The following LHPP variants were observed in gnomAD, a reference collection of about 807,000 sequenced individuals.
LHPP encodes phospholysine phosphohistidine inorganic pyrophosphate phosphatase, also known as hLHPP.
Under a neutral mutation model 30.3 loss-of-function variants are expected in LHPP, and 24 were observed. The observed-to-expected ratio is 0.79, with a 90% confidence interval of 0.57 to 1.11. LHPP has a LOEUF of 1.11. Ranked by LOEUF, LHPP falls within the 50% of genes most tolerant of loss-of-function variation. The pLI is 0.00. For missense variants in LHPP, 356 were observed against 367.2 expected (o/e 0.97, Z 0.25); for synonymous variants, 150 against 157.1 (o/e 0.95, Z 0.34).
intron 6 of LHPP, among the ~76,000 whole-genome samples, chr10:124,531,903 G>T (rs1045880860): frequency 6.6e-6 from 1 of 152,140 alleles, no homozygotes; most frequent in Non-Finnish European, 1.5e-5. Context: ...TATGATGGTC[G>T]CCAAATAACT....
At chr10:124,607,423 C>A (rs1332139309) in intron 6 of LHPP, among the ~76,000 whole-genome samples, 1 of 152,274 alleles carries the variant, frequency 6.6e-6, no homozygotes, top group African/African-American at 2.4e-5. Flanking sequence ...TGCGTGTGGG[C>A]AAACACCGGC....
chr10:124,569,048 G>C (rs1037584262), intron 6 of LHPP, among the ~76,000 whole-genome samples: 5 of 152,220 alleles, frequency 3.3e-5, no homozygotes, highest in Non-Finnish European at 7.3e-5. Context: ...GGTAATGGGG[G>C]TGAGGGGTAA....
chr10:124,528,132 CA>C (rs1263413743), intron 6 of LHPP, among the ~76,000 whole-genome samples: 1 of 152,164 alleles, frequency 6.6e-6, no homozygotes, highest in African/African-American at 2.4e-5. Flanking sequence ...GTGGGCTGAA[CA>C]GGGGAGGGTT....
chr10:124,589,248 C>T (rs891362412), intron 6 of LHPP, among the ~76,000 whole-genome samples: 3 of 152,230 alleles, frequency 2.0e-5, no homozygotes, highest in Non-Finnish European at 4.4e-5. Context: ...TGGCGGTGGC[C>T]GTGCTCGCAG....
rs762295411 is a variant in LHPP, at chr10:124,461,875, G to A, written c.13G>A (p.Gly5Ser). 25 of 1,257,122 alleles carry A rather than the reference G, an allele frequency of 2.0e-5. No individual in the cohort carries two copies. The highest frequency in any genetic ancestry group is 2.5e-5 in the Non-Finnish European group (25 of 997,768). The allele number at this position is 1,257,122 out of a possible 1,614,324, so 77.9% of individuals were successfully genotyped here. Residue 5 changes from glycine (G) to serine (S), a missense_variant, in exon 1 of 7, where the codon GGC (glycine) becomes AGC (serine). By Grantham distance (56) the Gly-to-Ser change is moderately conservative. Transcript: ENST00000368842. Reference sequence around the variant, plus strand: ...AGGGCCGGGCGCCATGGCACCGTGGGGCAAGCGGCTGGCTGGCGTGCGCGG... The same window carrying A: ...AGGGCCGGGCGCCATGGCACCGTGGAGCAAGCGGCTGGCTGGCGTGCGCGG... Reference protein sequence around the residue: MAPWGKRLAGVRGVL... With the variant: MAPWSKRLAGVRGVL...
chr10:124,493,722 T>C (rs1012189275), intron 3 of LHPP: 1 of 152,208 alleles, frequency 6.6e-6, no homozygotes, highest in African/African-American at 2.4e-5. Context: ...CTTTCCAGCA[T>C]CCACGGGTTC....
At chr10:124,570,139 C>G (rs1182997920) in intron 6 of LHPP, among the ~76,000 whole-genome samples, 1 of 152,222 alleles carries the variant, frequency 6.6e-6, no homozygotes, top group Non-Finnish European at 1.5e-5. Context: ...TGGCTTCAAT[C>G]TCCTTGGTAG....
chr10:124,532,216 C>T (rs115010023), intron 6 of LHPP, among the ~76,000 whole-genome samples: 1,835 of 152,324 alleles, frequency 0.012, 35 homozygotes, highest in African/African-American at 0.041. Flanking sequence ...GCCCTGGAAT[C>T]GGCCATTTCT....
At chr10:124,493,309 G>A (rs1201147922) in intron 3 of LHPP, among the ~76,000 whole-genome samples, 1 of 152,138 alleles carries the variant, frequency 6.6e-6, no homozygotes. Flanking sequence ...ACAGCCTGAG[G>A]ACCCCCCGAG....
intron 6 of LHPP, among the ~76,000 whole-genome samples, chr10:124,545,160 A>T (rs1431326203): frequency 1.3e-5 from 2 of 152,166 alleles, no homozygotes; most frequent in Non-Finnish European, 2.9e-5. Context: ...TTTGCAGTGA[A>T]GGGGGGCTCC....
intron 6 of LHPP, among the ~76,000 whole-genome samples, chr10:124,559,640 A>T (rs951591251): frequency 5.3e-5 from 8 of 152,272 alleles, no homozygotes; most frequent in Non-Finnish European, 1.2e-4. Flanking sequence ...CGAGGCTGGA[A>T]GCCGTCTTGC....
intron 1 of LHPP, among the ~76,000 whole-genome samples, chr10:124,469,786 A>C (rs780192023): frequency 1.1e-4 from 16 of 151,988 alleles, no homozygotes; most frequent in Non-Finnish European, 1.9e-4. Flanking sequence ...GTCATGGGGG[A>C]CCAGCAGGCG....
At chr10:124,469,001 G>A (rs752986970) in intron 1 of LHPP, among the ~76,000 whole-genome samples, 78 of 152,324 alleles carry the variant, frequency 5.1e-4, no homozygotes, top group Admixed American at 1.6e-3. Flanking sequence ...TGATTGAGCC[G>A]GGAAGCCTTC....
chr10:124,498,689 A>G (rs1589797321), intron 5 of LHPP: 1 of 446,796 alleles, frequency 2.2e-6, no homozygotes, highest in East Asian at 5.7e-5. Flanking sequence ...TTTTGAGCCA[A>G]TGTCTCCATT....
At chr10:124,574,527 C>G (rs115311814) in intron 6 of LHPP, among the ~76,000 whole-genome samples, 9 of 152,222 alleles carry the variant, frequency 5.9e-5, no homozygotes, top group African/African-American at 2.2e-4. Flanking sequence ...AGCTTCAGAC[C>G]TGGAGCCTGC....
At chr10:124,555,332 C>T (rs1444305347) in intron 6 of LHPP, among the ~76,000 whole-genome samples, 2 of 152,136 alleles carry the variant, frequency 1.3e-5, no homozygotes, top group African/African-American at 4.8e-5. Flanking sequence ...TCTGGGAGAC[C>T]CTAGAGTGAG....
intron 2 of LHPP, among the ~76,000 whole-genome samples, chr10:124,486,071 A>G (rs1360542435): frequency 6.6e-6 from 1 of 152,352 alleles, no homozygotes; most frequent in South Asian, 2.1e-4. Flanking sequence ...TCAGCATATC[A>G]TTGGAGTTTG....
chr10:124,531,349 A>C (rs972063319), intron 6 of LHPP, among the ~76,000 whole-genome samples: 1 of 152,060 alleles, frequency 6.6e-6, no homozygotes, highest in Non-Finnish European at 1.5e-5. Flanking sequence ...ATTACCTGGC[A>C]CTCCCTGGAG....
chr10:124,610,356 C>A (rs113502765), intron 6 of LHPP, among the ~76,000 whole-genome samples: 223 of 69,136 alleles, frequency 3.2e-3, no homozygotes, highest in East Asian at 5.0e-3. Flanking sequence ...GGTGAGGGTG[C>A]GGGTGAGGGT....
Sources: allele counts gnomAD v4.1 joint callset (sites outside exome capture counted in the v4.1 genomes callset), GRCh38; gene constraint gnomAD v4.1.1; transcripts MANE v1.5; gene names NCBI Gene and HGNC (gene_info 2026-07-23, HGNC 2026-07-21).